COMMD7: variants seen among roughly 807,000 people sequenced by gnomAD.
COMMD7 encodes COMM domain-containing protein 7.
COMMD7 carries 28 observed loss-of-function variants against 34.8 expected under a neutral mutation model. The observed-to-expected ratio is 0.80, with a 90% CI of 0.60 to 1.10. The LOEUF (loss-of-function observed/expected upper bound fraction) is 1.10. COMMD7 is among the 50% of genes least tolerant of loss of function. The pLI is 0.00. For missense variants in COMMD7, 211 were observed against 241.6 expected (o/e 0.87, Z 0.84); for synonymous variants, 80 against 86.4 (o/e 0.93, Z 0.41).
intron 3 of COMMD7, among the ~76,000 whole-genome samples, chr20:32,708,921 C>A (rs1306114200): frequency 6.6e-6 from 1 of 152,050 alleles, no homozygotes; most frequent in Non-Finnish European, 1.5e-5. Flanking sequence ...ATCCACCCAC[C>A]TTGGCCTCCC....
intron 3 of COMMD7, among the ~76,000 whole-genome samples, chr20:32,707,953 C>A (rs1040351670): frequency 6.6e-6 from 1 of 152,220 alleles, no homozygotes; most frequent in African/African-American, 2.4e-5. Flanking sequence ...GACCATTATA[C>A]TGAACACTGA....
intron 3 of COMMD7, among the ~76,000 whole-genome samples, chr20:32,717,606 G>A (rs976026277): frequency 2.0e-5 from 3 of 151,938 alleles, no homozygotes; most frequent in Non-Finnish European, 2.9e-5. Flanking sequence ...GATTACAGGC[G>A]TGAGCCACCA....
chr20:32,712,974 CGCCT>C (rs1165309248), intron 3 of COMMD7, among the ~76,000 whole-genome samples: 1 of 151,804 alleles, frequency 6.6e-6, no homozygotes, highest in Non-Finnish European at 1.5e-5. Context: ...CCTCGTGATC[CGCCT>C]GCCTTGGCTT....
intron 3 of COMMD7, among the ~76,000 whole-genome samples, chr20:32,725,675 A>G (rs2145758149): frequency 1.3e-5 from 2 of 152,030 alleles, no homozygotes; most frequent in Middle Eastern, 6.8e-3. Flanking sequence ...TGATCCGCCC[A>G]TCTTGGCCTC....
intron 3 of COMMD7, among the ~76,000 whole-genome samples, chr20:32,716,966 G>T (rs2145735262): frequency 6.6e-6 from 1 of 152,022 alleles, no homozygotes; most frequent in South Asian, 2.1e-4. Context: ...AATGTAGCTG[G>T]GACTACAGGT....
chr20:32,743,196 G>T, intron 1 of COMMD7, 112 bp downstream of exon 1: 3 of 890,610 alleles, frequency 3.4e-6, no homozygotes, highest in Middle Eastern at 3.4e-4. Flanking sequence ...ACAAGACGCC[G>T]CTCTGTCTAG....
At position 32,706,810 on chromosome 20, in the gene COMMD7, C is replaced by G. The variant is rs202183938; in HGVS notation, c.242-50G>C. ...TAGAAAGGCAGACCAGTGAATTAGT[C>G]GGCAATAAGTATTTAATGGGCACAA... On this transcript the variant is annotated intron_variant, in intron 3 of 8. Transcript: ENST00000278980. 3.4e-6 allele frequency: 5 copies of G among 1,484,426 alleles called. No homozygotes were observed. In the African/African-American group the frequency reaches 4.2e-5, roughly 12 times the overall value. The allele number at this position is 1,484,426 out of a possible 1,614,324, so 92.0% of individuals were successfully genotyped here. A position where few individuals can be genotyped will look rare whatever the true frequency, so the allele number is the denominator to read the frequency against.
intron 1 of COMMD7, chr20:32,742,373 G>A (rs1213896099): frequency 1.3e-5 from 2 of 151,970 alleles, no homozygotes; most frequent in Non-Finnish European, 2.9e-5. Flanking sequence ...AGTTGTGGGG[G>A]GTATGGAGAT....
At chr20:32,722,321 T>C (rs1004250545) in intron 3 of COMMD7, among the ~76,000 whole-genome samples, 5 of 144,932 alleles carry the variant, frequency 3.4e-5, no homozygotes, top group African/African-American at 1.3e-4. Flanking sequence ...ACAGGGACAC[T>C]AGACAGAGGT....
chr20:32,720,535 C>A (rs1238948734), intron 3 of COMMD7, among the ~76,000 whole-genome samples: 2 of 152,122 alleles, frequency 1.3e-5, no homozygotes, highest in African/African-American at 4.8e-5. Context: ...CTAGGCCGGG[C>A]ATGGTGGTTC....
At chr20:32,706,551 C>T (rs1433010889) in intron 5 of COMMD7, 32 bp downstream of exon 5, 1 of 1,517,402 alleles carries the variant, frequency 6.6e-7, no homozygotes, top group African/African-American at 1.4e-5. Flanking sequence ...GGATCTTAAT[C>T]AGCCATTAAC....
intron 3 of COMMD7, among the ~76,000 whole-genome samples, chr20:32,727,513 C>T (rs890695041): frequency 7.4e-6 from 1 of 135,802 alleles, no homozygotes; most frequent in Non-Finnish European, 1.5e-5. Context: ...TTCAGCCTGG[C>T]GACAGAGAAA....
At chr20:32,742,427 G>A (rs1175266656) in intron 1 of COMMD7, 1 of 152,022 alleles carries the variant, frequency 6.6e-6, no homozygotes, top group Non-Finnish European at 1.5e-5. Context: ...CAACCTAGCG[G>A]GGGAAATAGA....
intron 1 of COMMD7, among the ~76,000 whole-genome samples, chr20:32,733,831 G>C (rs1472621471): frequency 6.6e-6 from 1 of 150,932 alleles, no homozygotes; most frequent in Non-Finnish European, 1.5e-5. Context: ...GTTGCAGTGA[G>C]CCGAGATTGC....
intron 1 of COMMD7, among the ~76,000 whole-genome samples, chr20:32,728,915 A>G (rs1274722018): frequency 1.3e-5 from 2 of 152,128 alleles, no homozygotes; most frequent in East Asian, 3.9e-4. Context: ...TACTTGTGTA[A>G]GACAACAATA....
chr20:32,705,445 C>T (rs191928857), intron 5 of COMMD7, among the ~76,000 whole-genome samples: 46 of 150,818 alleles, frequency 3.1e-4, no homozygotes, highest in African/African-American at 1.1e-3. Flanking sequence ...ATGATCTTGG[C>T]TCGCTGCAAG....
intron 1 of COMMD7, among the ~76,000 whole-genome samples, chr20:32,733,010 C>T (rs1361899119): frequency 1.3e-5 from 2 of 149,324 alleles, no homozygotes; most frequent in African/African-American, 2.5e-5. Context: ...CTGAGGCGGG[C>T]GGATCACCTG....
chr20:32,731,633 T>A (rs1985847236), intron 1 of COMMD7, among the ~76,000 whole-genome samples: 1 of 152,132 alleles, frequency 6.6e-6, no homozygotes, highest in African/African-American at 2.4e-5. Flanking sequence ...CACCTACAAT[T>A]TTCAACTCTG....
intron 3 of COMMD7, among the ~76,000 whole-genome samples, chr20:32,709,979 A>G (rs2145718785): frequency 6.6e-6 from 1 of 151,434 alleles, no homozygotes. Context: ...CCTGGGCTTA[A>G]TGGATCCTCC....
Sources: allele counts gnomAD v4.1 joint callset (sites outside exome capture counted in the v4.1 genomes callset), GRCh38; gene constraint gnomAD v4.1.1; transcripts MANE v1.5; gene names NCBI Gene and HGNC (gene_info 2026-07-23, HGNC 2026-07-21).